TSC22D1: variants seen among roughly 807,000 people sequenced by gnomAD.
The protein encoded by TSC22D1 is TSC22 domain family protein 1.
A neutral mutation model predicts 74.2 loss-of-function variants in TSC22D1; 9 were observed. The observed-to-expected ratio is 0.12, with a 90% CI of 0.07 to 0.21. The LOEUF is 0.21. TSC22D1 is among the 10% of genes least tolerant of loss of function. The probability of loss-of-function intolerance (pLI) is 1.00; values close to 1 mark genes in which losing one functional copy is unlikely to be tolerated. For missense variants in TSC22D1, 1,427 were observed against 1,304.7 expected (o/e 1.09, Z -1.44); for synonymous variants, 586 against 492.5 (o/e 1.19, Z -2.51).
At chr13:44,470,770 CAT>C (rs767578701) in intron 1 of TSC22D1, among the ~76,000 whole-genome samples, 10 of 152,180 alleles carry the variant, frequency 6.6e-5, no homozygotes, top group African/African-American at 9.7e-5. Flanking sequence ...TGGCACTTCA[CAT>C]GATTCACTTC....
intron 1 of TSC22D1, among the ~76,000 whole-genome samples, chr13:44,485,178 G>A (rs1878371251): frequency 6.6e-6 from 1 of 152,024 alleles, no homozygotes; most frequent in African/African-American, 2.4e-5. Flanking sequence ...TAGAAAATAA[G>A]AGTTTTAAAG....
intron 1 of TSC22D1, among the ~76,000 whole-genome samples, chr13:44,544,646 G>A (rs1453614818): frequency 6.6e-6 from 1 of 150,820 alleles, no homozygotes; most frequent in Non-Finnish European, 1.5e-5. Context: ...TAAAAGAGAA[G>A]AAAGCTGTAA....
intron 1 of TSC22D1, among the ~76,000 whole-genome samples, chr13:44,477,638 A>ATTTT (rs35355914): frequency 4.0e-5 from 5 of 125,380 alleles, no homozygotes; most frequent in East Asian, 2.3e-4. Context: ...GTGCTCATAG[A>ATTTT]TTTTTTTTTT....
intron 1 of TSC22D1, among the ~76,000 whole-genome samples, chr13:44,529,709 G>T (rs1403223707): frequency 6.6e-6 from 1 of 152,070 alleles, no homozygotes; most frequent in East Asian, 1.9e-4. Context: ...AAAGATTCCT[G>T]CAACTAACAC....
At chr13:44,549,886 T>C (rs549399815) in intron 1 of TSC22D1, among the ~76,000 whole-genome samples, 1 of 151,766 alleles carries the variant, frequency 6.6e-6, no homozygotes, top group Non-Finnish European at 1.5e-5. Flanking sequence ...TATACAGTAA[T>C]GAGGCTACAA....
In TSC22D1 at chr13:44,575,897, G is replaced by A; in HGVS notation, c.178C>T (p.Pro60Ser). ...SNATSSEDFP[P>S]PSLLQPPPPA... ...GGCGGCGGCTGAAGCAGCGACGGAG[G>A]CGGAAAATCCTCGGAAGATGTGGCA... The change falls in exon 1 of 3, where the codon CCT becomes TCT. Residue 60 changes from proline (P) to serine (S), a missense_variant. Around this residue, in one of 3 missense-constraint regions of TSC22D1, gnomAD observed 1,343 missense variants for 1,191.5 expected, o/e 1.13. Transcript: ENST00000458659. 1 of 1,614,020 alleles carries A rather than the reference G, an allele frequency of 6.2e-7. No homozygotes were observed. The highest frequency in any genetic ancestry group is 8.5e-7 in the Non-Finnish European group (1 of 1,180,014).
chr13:44,456,402 G>A (rs867012885), intron 1 of TSC22D1, among the ~76,000 whole-genome samples: 12 of 152,072 alleles, frequency 7.9e-5, no homozygotes, highest in Admixed American at 2.6e-4. Flanking sequence ...TGATTGGTGC[G>A]TTTACAAACC....
intron 1 of TSC22D1, chr13:44,452,517 A>C (rs1876225231): frequency 6.6e-6 from 1 of 152,318 alleles, no homozygotes; most frequent in Admixed American, 6.5e-5. Context: ...TCTGCGCCTC[A>C]CAGGGCCCCA....
intron 1 of TSC22D1, among the ~76,000 whole-genome samples, chr13:44,488,437 C>T (rs1006695141): frequency 1.3e-5 from 2 of 152,170 alleles, no homozygotes; most frequent in African/African-American, 2.4e-5. Context: ...ACTAACTTCA[C>T]CTGTTTTTTG....
intron 1 of TSC22D1, among the ~76,000 whole-genome samples, chr13:44,571,905 TA>T (rs1883792212): frequency 6.6e-6 from 1 of 152,128 alleles, no homozygotes; most frequent in Non-Finnish European, 1.5e-5. Flanking sequence ...AACAACTAAA[TA>T]ACACAAACCT....
intron 1 of TSC22D1, among the ~76,000 whole-genome samples, chr13:44,490,411 T>C (rs1878645713): frequency 6.6e-6 from 1 of 151,698 alleles, no homozygotes; most frequent in African/African-American, 2.4e-5. Context: ...TACTTTGTAA[T>C]AATTCATCAA....
chr13:44,541,516 GA>G (rs1220189769), intron 1 of TSC22D1, among the ~76,000 whole-genome samples: 1 of 152,104 alleles, frequency 6.6e-6, no homozygotes, highest in East Asian at 1.9e-4. Flanking sequence ...AAATAATTAT[GA>G]AAGTACTTTA....
At chr13:44,514,119 G>A (rs186146769) in intron 1 of TSC22D1, among the ~76,000 whole-genome samples, 26 of 152,206 alleles carry the variant, frequency 1.7e-4, no homozygotes, top group Non-Finnish European at 2.5e-4. Context: ...TTCTGAATAT[G>A]ATCTGATGAT....
rs996123199 is a variant in TSC22D1, at chr13:44,536,071, CT to C, written c.2912+37091del. 2.0e-5 allele frequency among the ~76,000 whole-genome samples: 3 copies of C among 151,740 alleles called. No homozygotes were observed. In the East Asian group the frequency reaches 5.8e-4, roughly 29 times the overall value. ...CAAAATTTTGTGCACAGAATCTTTA[CT>C]TTTTTTCCAAACTTACCAGGTTAAT... On this transcript the variant is annotated intron_variant, in intron 1 of 2. Coordinates refer to ENST00000458659, the MANE Select transcript of TSC22D1 (RefSeq NM_183422.4).
intron 1 of TSC22D1, chr13:44,538,246 A>G: frequency 3.0e-6 from 3 of 985,374 alleles, no homozygotes; most frequent in Non-Finnish European, 3.6e-6. Flanking sequence ...AGCTACTTAC[A>G]TCTCAAAAGA....
intron 1 of TSC22D1, among the ~76,000 whole-genome samples, chr13:44,486,083 G>C (rs377489554): frequency 9.9e-5 from 15 of 151,924 alleles, no homozygotes; most frequent in African/African-American, 3.4e-4. Context: ...AAAAAATAAG[G>C]CAAGAATGGA....
In TSC22D1 at chr13:44,550,574, C is replaced by T. The variant is rs112438583; in HGVS notation, c.2912+22589G>A. Among the ~76,000 whole-genome samples the T allele has an allele frequency of 1.4e-3, 206 of 143,972 alleles. 1 individual carries two copies. Among genetic ancestry groups the T allele is most frequent in the African/African-American group, 5.0e-3 (191 of 37,838 alleles). The allele number at this position is 143,972 out of a possible 152,430, so 94.5% of individuals were successfully genotyped here. On this transcript the variant is annotated intron_variant, in intron 1 of 2. Coordinates refer to ENST00000458659, the MANE Select transcript of TSC22D1 (RefSeq NM_183422.4). ...TCCAGCCTGGGCAACAAGAGTGAAA[C>T]TCTGTCTCGGGGAAAAAAAAAAAAA... is the stretch of plus-strand genomic sequence containing the variant.
At chr13:44,446,904 T>C (rs1875725756) in intron 1 of TSC22D1, among the ~76,000 whole-genome samples, 1 of 152,122 alleles carries the variant, frequency 6.6e-6, no homozygotes, top group Non-Finnish European at 1.5e-5. Flanking sequence ...CTAATCTTTA[T>C]ATTTTCATTA....
At chr13:44,496,183 T>C (rs756071937) in intron 1 of TSC22D1, among the ~76,000 whole-genome samples, 61 of 152,110 alleles carry the variant, frequency 4.0e-4, no homozygotes, top group Admixed American at 6.5e-4. Context: ...GGGAGTGGAA[T>C]TAAGAAGATA....
Sources: gnomAD v4.1 joint callset for allele counts (sites outside exome capture counted in the v4.1 genomes callset) on GRCh38, gnomAD v4.1.1 for gene constraint, gnomAD v4.1.1 regional missense constraint, MANE v1.5 for transcripts, NCBI Gene and HGNC (gene_info 2026-07-23, HGNC 2026-07-21) for gene names.